EIF3H: variants seen among roughly 807,000 people sequenced by gnomAD.
EIF3H encodes the protein eukaryotic translation initiation factor 3 subunit H, also known as eIF-3-gamma.
A neutral mutation model predicts 44.2 loss-of-function variants in EIF3H; 26 were observed. The observed-to-expected ratio is 0.59, with a 90% CI of 0.43 to 0.82. The LOEUF (loss-of-function observed/expected upper bound fraction) is 0.82, where lower values mean the gene tolerates loss of function less well. Among genes scored for constraint, EIF3H ranks in the 40% least tolerant of loss-of-function variants. The pLI is 0.00. For synonymous variants in EIF3H, 166 were observed against 151.9 expected, an observed-to-expected ratio of 1.09 and a Z score of -0.68; for missense variants, 359 against 432.8, an observed-to-expected ratio of 0.83 and a Z score of 1.51.
intron 2 of EIF3H, among the ~76,000 whole-genome samples, chr8:116,668,685 T>G (rs1813706007): frequency 1.3e-5 from 2 of 150,828 alleles, no homozygotes; most frequent in Non-Finnish European, 1.5e-5. Flanking sequence ...TAGACTGGCC[T>G]CCTCTGTTGC....
intron 1 of EIF3H, among the ~76,000 whole-genome samples, chr8:116,750,067 G>A (rs950273697): frequency 4.6e-5 from 7 of 152,400 alleles, no homozygotes; most frequent in Admixed American, 6.5e-5. Flanking sequence ...CATGAGAGTC[G>A]GGACTGGGTT....
chr8:116,709,334 A>C (rs1338123570), intron 2 of EIF3H, among the ~76,000 whole-genome samples: 4 of 152,206 alleles, frequency 2.6e-5, no homozygotes, highest in African/African-American at 2.4e-5. Flanking sequence ...ATGTTTTAGA[A>C]ATGGAACCAC....
chr8:116,642,150 TGTAAA>T lies in EIF3H; in HGVS notation c.*2851_*2855del, dbSNP rs1813232950. The T allele has an allele frequency of 1.3e-5, 2 of 152,176 alleles. No homozygotes were observed. Among genetic ancestry groups the T allele is most frequent in the Non-Finnish European group, 2.9e-5 (2 of 68,026 alleles). The allele number at this position is 152,176 out of a possible 1,614,324, so 9.4% of individuals were successfully genotyped here. ...CTTAATTTGGTTGAGAAGTGTTTATTGTAAAAATGGAGTTTATAATGAAAATAAAA... is the reference window on the plus strand; with the variant it reads ...CTTAATTTGGTTGAGAAGTGTTTATTAATGGAGTTTATAATGAAAATAAAA... On this transcript the variant is annotated 3_prime_UTR_variant, in exon 8 of 8. Coordinates refer to ENST00000521861, the MANE Select transcript of EIF3H (RefSeq NM_003756.3).
intron 5 of EIF3H, among the ~76,000 whole-genome samples, chr8:116,652,885 T>C (rs1813418746): frequency 6.6e-6 from 1 of 152,216 alleles, no homozygotes; most frequent in South Asian, 2.1e-4. Context: ...TTCAGGTTTC[T>C]GATCCTTTCA....
upstream of EIF3H, among the ~76,000 whole-genome samples, chr8:116,758,328 T>C (rs1366440398): frequency 1.3e-5 from 2 of 152,192 alleles, no homozygotes; most frequent in African/African-American, 4.8e-5. Context: ...TCTCAATGTG[T>C]ATGCCCCAAC....
At chr8:116,653,113 G>A (rs1303781610) in intron 5 of EIF3H, among the ~76,000 whole-genome samples, 1 of 152,088 alleles carries the variant, frequency 6.6e-6, no homozygotes, top group African/African-American at 2.4e-5. Flanking sequence ...CATATGCAGA[G>A]AAAATACACC....
At chr8:116,730,047 T>C (rs923147654) in intron 1 of EIF3H, among the ~76,000 whole-genome samples, 1 of 152,226 alleles carries the variant, frequency 6.6e-6, no homozygotes, top group African/African-American at 2.4e-5. Context: ...ATCACTATTA[T>C]CAAAACTAAG....
At chr8:116,673,111 A>G (rs949577671) in intron 2 of EIF3H, among the ~76,000 whole-genome samples, 8 of 152,032 alleles carry the variant, frequency 5.3e-5, no homozygotes, top group African/African-American at 1.9e-4. Context: ...CCAGGAGGCA[A>G]TGGCTTGCAC....
intron 5 of EIF3H, among the ~76,000 whole-genome samples, chr8:116,652,689 CTG>C: frequency 6.6e-6 from 1 of 151,640 alleles, no homozygotes; most frequent in Non-Finnish European, 1.5e-5. Flanking sequence ...TGGATGTTCA[CTG>C]TATTTTTCTT....
intron 2 of EIF3H, among the ~76,000 whole-genome samples, chr8:116,725,731 C>G (rs1170930144): frequency 6.6e-6 from 1 of 152,184 alleles, no homozygotes; most frequent in Non-Finnish European, 1.5e-5. Context: ...CTTTATTTAG[C>G]AAGCTGATTT....
intron 2 of EIF3H, among the ~76,000 whole-genome samples, chr8:116,691,998 A>C (rs181459317): frequency 6.6e-6 from 1 of 152,326 alleles, no homozygotes; most frequent in Admixed American, 6.5e-5. Context: ...TAGCTTGTGC[A>C]AACACTAATA....
intron 1 of EIF3H, among the ~76,000 whole-genome samples, chr8:116,742,546 T>G (rs1234661926): frequency 6.6e-6 from 1 of 152,218 alleles, no homozygotes; most frequent in African/African-American, 2.4e-5. Context: ...AAAATTCATT[T>G]CCTTTCTCAT....
chr8:116,686,379 G>C (rs148047370), intron 2 of EIF3H, among the ~76,000 whole-genome samples: 204 of 152,138 alleles, frequency 1.3e-3, no homozygotes, highest in African/African-American at 4.8e-3. Flanking sequence ...CTACTTATCA[G>C]AAAGAATAAT....
chr8:116,651,897 G>A (rs901719317), intron 5 of EIF3H, among the ~76,000 whole-genome samples: 1 of 152,198 alleles, frequency 6.6e-6, no homozygotes, highest in Non-Finnish European at 1.5e-5. Context: ...TTTAAGCAAA[G>A]GAGTAATATG....
intron 2 of EIF3H, among the ~76,000 whole-genome samples, chr8:116,673,830 G>C (rs1183811958): frequency 1.3e-5 from 2 of 152,050 alleles, no homozygotes; most frequent in Non-Finnish European, 2.9e-5. Context: ...CGAGCACTTT[G>C]GCAGGCCGAA....
intron 1 of EIF3H, among the ~76,000 whole-genome samples, chr8:116,750,901 C>T (rs72683626): frequency 4.6e-5 from 7 of 152,130 alleles, no homozygotes; most frequent in Admixed American, 6.5e-5. Context: ...TGAATGTTCA[C>T]GTTAAATAAA....
intron 2 of EIF3H, among the ~76,000 whole-genome samples, chr8:116,661,172 A>C (rs1256632342): frequency 6.6e-6 from 1 of 152,182 alleles, no homozygotes; most frequent in East Asian, 1.9e-4. Context: ...TTGGCTAATA[A>C]ATTTTAATCA....
At chr8:116,690,368 G>A (rs1814152984) in intron 2 of EIF3H, among the ~76,000 whole-genome samples, 1 of 129,568 alleles carries the variant, frequency 7.7e-6, no homozygotes, top group Non-Finnish European at 1.8e-5. Context: ...ATGGTTATTG[G>A]AAATAAACTA....
chr8:116,706,714 T>TAAAAATAC lies in EIF3H; in HGVS notation c.289+19301_289+19302insGTATTTTT, dbSNP rs535378342. ...CACACCTGGCTAATTTTTGTATTTT[T>TAAAAATAC]AAAAGATGGAGTTTCACCAAGGGTT... is the stretch of plus-strand genomic sequence containing the variant. On this transcript the variant is annotated intron_variant, in intron 2 of 7. Coordinates refer to ENST00000521861, the MANE Select transcript of EIF3H (RefSeq NM_003756.3). Among the ~76,000 whole-genome samples the TAAAAATAC allele has an allele frequency of 5.9e-3, 895 of 152,102 alleles. 6 individuals are homozygous for TAAAAATAC. Among genetic ancestry groups the TAAAAATAC allele is most frequent in the African/African-American group, 0.02 (823 of 41,508 alleles).
Sources: allele counts gnomAD v4.1 joint callset (sites outside exome capture counted in the v4.1 genomes callset), GRCh38; gene constraint gnomAD v4.1.1; transcripts MANE v1.5; gene names NCBI Gene and HGNC (gene_info 2026-07-23, HGNC 2026-07-21).